TRAPPC13: variants seen among roughly 807,000 people sequenced by gnomAD.
TRAPPC13 encodes the protein trafficking protein particle complex subunit 13.
TRAPPC13 carries 39 observed loss-of-function variants against 54.0 expected under a neutral mutation model. The ratio of observed to expected loss-of-function variants is 0.72; its 90% CI spans 0.56 to 0.94. The LOEUF (loss-of-function observed/expected upper bound fraction) is 0.94. Among genes scored for constraint, TRAPPC13 ranks in the 40% least tolerant of loss-of-function variants. TRAPPC13 has a pLI of 0.00. For synonymous variants in TRAPPC13, 148 were observed against 167.7 expected, an observed-to-expected ratio of 0.88 and a Z score of 0.91; for missense variants, 386 against 488.1, an observed-to-expected ratio of 0.79 and a Z score of 1.97.
Position 65,627,875 on chromosome 5 carries a change from A to C in TRAPPC13, c.46+2769A>C, listed in dbSNP as rs932487093. Among the ~76,000 whole-genome samples the C allele has an allele frequency of 5.9e-5, 9 of 152,168 alleles. No homozygotes were observed. The East Asian group carries it at 1.7e-3, about 29-fold the overall frequency. On this transcript the variant is annotated intron_variant, in intron 1 of 12. Coordinates refer to ENST00000399438, the MANE Select transcript of TRAPPC13 (RefSeq NM_024941.4). ...TGTTAGTGGGCAGTATCAGTAGGTA[A>C]AAATAATGAAATTATTTCTTCTAAC...
chr5:65,625,196 A>G, intron 1 of TRAPPC13, 90 bp downstream of exon 1: 3 of 1,093,534 alleles, frequency 2.7e-6, no homozygotes, highest in South Asian at 2.5e-5. Context: ...CATCCTTCTT[A>G]AACACTCAGT....
chr5:65,644,868 G>A (rs1489228560), intron 4 of TRAPPC13, among the ~76,000 whole-genome samples: 7 of 141,572 alleles, frequency 4.9e-5, no homozygotes, highest in Admixed American at 1.5e-4. Context: ...GTGACAGAGC[G>A]AGACTCCGTC....
At chr5:65,659,985 A>G (rs573680254) in intron 9 of TRAPPC13, among the ~76,000 whole-genome samples, 1,721 of 149,970 alleles carry the variant, frequency 0.011, 18 homozygotes, top group African/African-American at 0.04. Flanking sequence ...AAAAAAAAAA[A>G]AAAAAGAAGA....
chr5:65,647,776 A>C (rs1021569405), intron 5 of TRAPPC13, among the ~76,000 whole-genome samples: 2 of 152,040 alleles, frequency 1.3e-5, no homozygotes, highest in Non-Finnish European at 2.9e-5. Flanking sequence ...AGTTCACAAA[A>C]TCCTATTAAT....
intron 6 of TRAPPC13, among the ~76,000 whole-genome samples, chr5:65,651,858 T>TTG (rs1756464735): frequency 3.6e-5 from 4 of 110,614 alleles, no homozygotes; most frequent in African/African-American, 1.6e-4. Context: ...TTTTTTTTTT[T>TTG]TTTTTTTTTT....
Position 65,664,560 on chromosome 5 carries a change from T to A in TRAPPC13, c.1203T>A (p.Asp401Glu), listed in dbSNP as rs1756968920. The change falls in exon 13 of 13, where the codon GAT (aspartate) becomes GAA (glutamate). Residue 401 changes from aspartate (D) to glutamate (E), a missense_variant. Transcript: ENST00000399438. ...DTFLKRTYEY[D>E]DIAQVCVVSS... ...TCTTAAAGAGAACATATGAATATGA[T>A]GACATCGCACAAGTCTGTGTGGTAT... is the stretch of plus-strand genomic sequence containing the variant. The A allele has an allele frequency of 6.2e-7, 1 of 1,612,624 alleles. No individual in the cohort carries two copies. Among genetic ancestry groups the A allele is most frequent in the Non-Finnish European group, 8.5e-7 (1 of 1,179,646 alleles).
chr5:65,626,358 A>G (rs775585710), intron 1 of TRAPPC13, among the ~76,000 whole-genome samples: 3 of 152,196 alleles, frequency 2.0e-5, no homozygotes, highest in Non-Finnish European at 4.4e-5. Context: ...CTCAGAGATA[A>G]TTCCTCTACC....
At chr5:65,643,807 A>G (rs1756074415) in intron 4 of TRAPPC13, among the ~76,000 whole-genome samples, 1 of 139,482 alleles carries the variant, frequency 7.2e-6, no homozygotes, top group South Asian at 2.4e-4. Flanking sequence ...ACAGAGTGAG[A>G]CTCCGTCTCA....
chr5:65,630,280 A>G (rs1755475720), intron 1 of TRAPPC13: 1 of 1,533,358 alleles, frequency 6.5e-7, no homozygotes, highest in African/African-American at 1.4e-5. Flanking sequence ...AAGGAAGATT[A>G]GCTCTTACTG....
intron 1 of TRAPPC13, chr5:65,634,959 G>A (rs771635013): frequency 4.4e-6 from 4 of 908,256 alleles, no homozygotes; most frequent in Non-Finnish European, 5.3e-6. Flanking sequence ...TATTGTTTAT[G>A]GTGAAATCAC....
chr5:65,628,822 G>T (rs1755380921), intron 1 of TRAPPC13, among the ~76,000 whole-genome samples: 2 of 149,472 alleles, frequency 1.3e-5, no homozygotes, highest in African/African-American at 2.5e-5. Context: ...AGACAGATTA[G>T]AATTTTTTTT....
rs1756504351 is a variant in TRAPPC13 at position 65,652,514 on chromosome 5, T to G, written c.515T>G (p.Leu172Trp). Reference sequence around the variant, plus strand: ...TTATTTAACCAGGTTCTCAAACCATTGGATGTGAAAACCAAATTTTACAAT... The same window carrying G: ...TTATTTAACCAGGTTCTCAAACCATGGGATGTGAAAACCAAATTTTACAAT... Reference protein sequence around the residue: ...KFFKFQVLKPLDVKTKFYNAE... With the variant: ...KFFKFQVLKPWDVKTKFYNAE... Residue 172 changes from leucine to tryptophan, a missense_variant, in exon 7 of 13, where the codon TTG becomes TGG. By Grantham distance (61) the Leu-to-Trp change is moderately conservative. Coordinates refer to ENST00000399438, the MANE Select transcript of TRAPPC13 (RefSeq NM_024941.4). 1 of 1,609,114 alleles carries G rather than the reference T, an allele frequency of 6.2e-7. No homozygotes were observed. Among genetic ancestry groups the G allele is most frequent in the Admixed American group, 1.7e-5 (1 of 59,970 alleles).
At chr5:65,643,186 G>A (rs1756035167) in intron 4 of TRAPPC13, among the ~76,000 whole-genome samples, 1 of 150,482 alleles carries the variant, frequency 6.6e-6, no homozygotes, top group African/African-American at 2.4e-5. Flanking sequence ...TTTAATTGTT[G>A]TTAATAATTT....
intron 4 of TRAPPC13, among the ~76,000 whole-genome samples, chr5:65,646,600 G>T (rs1756217653): frequency 6.6e-6 from 1 of 151,562 alleles, no homozygotes; most frequent in Non-Finnish European, 1.5e-5. Flanking sequence ...TTTTGTCCTA[G>T]TATACACATA....
chr5:65,630,394 A>T, intron 1 of TRAPPC13: 1 of 1,411,890 alleles, frequency 7.1e-7, no homozygotes, highest in East Asian at 2.5e-5. Context: ...ATATGGATTG[A>T]AATAGATAAA....
At chr5:65,630,312 A>C (rs1319733113) in intron 1 of TRAPPC13, 1 of 1,525,650 alleles carries the variant, frequency 6.6e-7, no homozygotes, top group Non-Finnish European at 8.8e-7. Flanking sequence ...TTATTTGTGC[A>C]TAAATATGGT....
intron 4 of TRAPPC13, among the ~76,000 whole-genome samples, chr5:65,638,996 A>C (rs1755867899): frequency 6.6e-6 from 1 of 152,190 alleles, no homozygotes; most frequent in Admixed American, 6.5e-5. Flanking sequence ...AGGCAGGAGA[A>C]TCACTTGAAC....
chr5:65,652,942 G>A (rs1457840079), intron 7 of TRAPPC13, among the ~76,000 whole-genome samples: 1 of 151,990 alleles, frequency 6.6e-6, no homozygotes, highest in African/African-American at 2.4e-5. Flanking sequence ...GAAAAATACT[G>A]ACAAGTGAAG....
At chr5:65,638,635 T>C (rs910068897) in intron 4 of TRAPPC13, among the ~76,000 whole-genome samples, 1 of 152,204 alleles carries the variant, frequency 6.6e-6, no homozygotes, top group African/African-American at 2.4e-5. Context: ...TACCCAAGAC[T>C]GGGCAATTTA....
Sources: allele counts gnomAD v4.1 joint callset (sites outside exome capture counted in the v4.1 genomes callset), GRCh38; gene constraint gnomAD v4.1.1; transcripts MANE v1.5; gene names NCBI Gene and HGNC (gene_info 2026-07-23, HGNC 2026-07-21).